Variants in DSCAM observed in about 807,000 individuals in gnomAD.
DSCAM encodes cell adhesion molecule DSCAM.
Under a neutral mutation model 217.7 loss-of-function variants are expected in DSCAM, and 47 were observed. The observed-to-expected ratio is 0.22, with a 90% CI of 0.17 to 0.28. The LOEUF (loss-of-function observed/expected upper bound fraction) is 0.28, where lower values mean the gene tolerates loss of function less well. Among genes scored for constraint, DSCAM ranks in the 10% least tolerant of loss-of-function variants. DSCAM has a pLI of 1.00. For missense variants in DSCAM, 2,080 were observed against 2,618.3 expected, an observed-to-expected ratio of 0.79 and a Z score of 4.49; for synonymous variants, 1,056 against 1,015.3, an observed-to-expected ratio of 1.04 and a Z score of -0.76.
intron 3 of DSCAM, among the ~76,000 whole-genome samples, chr21:40,570,708 A>G (rs1306045796): frequency 2.0e-5 from 3 of 152,226 alleles, no homozygotes; most frequent in Admixed American, 2.0e-4. Context: ...ACTCAGATGG[A>G]ACTATCAGGA....
At chr21:40,156,866 T>C (rs528536271) in intron 16 of DSCAM, among the ~76,000 whole-genome samples, 2 of 152,280 alleles carry the variant, frequency 1.3e-5, no homozygotes, top group African/African-American at 4.8e-5. Context: ...CTGTGGATCT[T>C]TGAACTGGAG....
At chr21:40,444,832 C>T (rs565488765) in intron 3 of DSCAM, among the ~76,000 whole-genome samples, 127 of 152,152 alleles carry the variant, frequency 8.3e-4, no homozygotes, top group Non-Finnish European at 6.6e-4. Flanking sequence ...TGTAATGTAC[C>T]CTGGATGATG....
chr21:40,566,246 G>T (rs961341232), intron 3 of DSCAM, among the ~76,000 whole-genome samples: 8 of 152,016 alleles, frequency 5.3e-5, no homozygotes, highest in Non-Finnish European at 1.2e-4. Context: ...AGTGATGCTG[G>T]GGAGTCTCTC....
intron 3 of DSCAM, among the ~76,000 whole-genome samples, chr21:40,415,388 CAACA>C (rs1046520288): frequency 1.1e-4 from 17 of 152,288 alleles, no homozygotes; most frequent in Admixed American, 2.6e-4. Flanking sequence ...ACTGTTCAAA[CAACA>C]AACAGAGCTA....
At chr21:40,167,361 G>C (rs1368128984) in intron 15 of DSCAM, 73 bp from the exon 16 acceptor site, 2 of 1,391,128 alleles carry the variant, frequency 1.4e-6, no homozygotes, top group African/African-American at 2.9e-5. Context: ...ACAGCCAAAG[G>C]TGGTCCCCGA....
At chr21:40,651,413 C>A (rs1012445915) in intron 3 of DSCAM, among the ~76,000 whole-genome samples, 1 of 152,214 alleles carries the variant, frequency 6.6e-6, no homozygotes. Context: ...TAGGCTCCTG[C>A]AGGCTTTGAC....
chr21:40,488,772 G>T (rs1223992325), intron 3 of DSCAM, among the ~76,000 whole-genome samples: 2 of 152,030 alleles, frequency 1.3e-5, no homozygotes, highest in Non-Finnish European at 2.9e-5. Flanking sequence ...TTAAGCAAAT[G>T]GTTTATTTTT....
At chr21:40,560,766 G>A (rs1222116120) in intron 3 of DSCAM, among the ~76,000 whole-genome samples, 1 of 152,228 alleles carries the variant, frequency 6.6e-6, no homozygotes, top group Non-Finnish European at 1.5e-5. Context: ...TGACAGTGTA[G>A]CTGACTGGGG....
At chr21:40,281,998 T>G (rs1170807962) in intron 10 of DSCAM, among the ~76,000 whole-genome samples, 1 of 152,248 alleles carries the variant, frequency 6.6e-6, no homozygotes, top group Non-Finnish European at 1.5e-5. Flanking sequence ...TAATCATTTT[T>G]TTCTCCTATA....
chr21:40,568,122 G>A (rs557820004), intron 3 of DSCAM, among the ~76,000 whole-genome samples: 1 of 152,034 alleles, frequency 6.6e-6, no homozygotes, highest in African/African-American at 2.4e-5. Flanking sequence ...GAAGCATTTA[G>A]CAATGAATGG....
At chr21:40,544,554 G>A (rs979627068) in intron 3 of DSCAM, among the ~76,000 whole-genome samples, 1 of 152,012 alleles carries the variant, frequency 6.6e-6, no homozygotes, top group African/African-American at 2.4e-5. Context: ...CAAGTGATAC[G>A]GCCACAAGCC....
In DSCAM at chr21:40,369,197, A is replaced by G. The variant is rs766342134; in HGVS notation, c.557T>C (p.Val186Ala). The G allele has an allele frequency of 8.7e-6, 14 of 1,612,656 alleles. No individual in the cohort carries two copies. In the East Asian group the frequency reaches 2.9e-4, roughly 33 times the overall value. Reference protein sequence around the residue: ...TSTGALYIKDVQNEDGLYNYR... With the variant: ...TSTGALYIKDAQNEDGLYNYR... The stretch of plus-strand genomic sequence containing the variant: ...GTTATACAATCCATCTTCATTCTGT[A>G]CATCTTTAATATACAAGGCTCCCGT... The change falls in exon 4 of 33, where the codon GTA (valine) becomes GCA (alanine). Residue 186 changes from valine to alanine, a missense_variant. Val to Ala is a moderately conservative substitution (Grantham distance 64). Transcript: ENST00000400454.
intron 11 of DSCAM, among the ~76,000 whole-genome samples, chr21:40,228,495 A>T (rs1029138881): frequency 6.6e-6 from 1 of 152,182 alleles, no homozygotes. Flanking sequence ...ACTTTGGGTT[A>T]TAATCCAATA....
intron 20 of DSCAM, among the ~76,000 whole-genome samples, chr21:40,122,668 T>A (rs1464474778): frequency 2.0e-5 from 3 of 152,160 alleles, no homozygotes; most frequent in Non-Finnish European, 4.4e-5. Flanking sequence ...AACAGCATAT[T>A]GAAAACCACA....
At chr21:40,778,859 T>C (rs1345198029) in intron 1 of DSCAM, among the ~76,000 whole-genome samples, 2 of 151,744 alleles carry the variant, frequency 1.3e-5, no homozygotes, top group African/African-American at 4.8e-5. Context: ...AACCCATCTC[T>C]ACTAAAAATG....
chr21:40,759,287 T>C (rs2091307046), intron 1 of DSCAM, among the ~76,000 whole-genome samples: 1 of 151,982 alleles, frequency 6.6e-6, no homozygotes, highest in Admixed American at 6.6e-5. Flanking sequence ...CTCCCACCAC[T>C]CTCCATGACC....
intron 21 of DSCAM, among the ~76,000 whole-genome samples, chr21:40,093,056 T>A (rs2089631114): frequency 6.6e-6 from 1 of 152,212 alleles, no homozygotes; most frequent in Non-Finnish European, 1.5e-5. Flanking sequence ...GGGCAACTCC[T>A]GCTGGCCTGG....
At chr21:40,128,060 T>A (rs1205765670) in intron 19 of DSCAM, among the ~76,000 whole-genome samples, 1 of 151,340 alleles carries the variant, frequency 6.6e-6, no homozygotes, top group Non-Finnish European at 1.5e-5. Context: ...CCAGCTTAGG[T>A]CAGGTCAGGG....
chr21:40,308,121 A>C (rs1007927370), intron 9 of DSCAM, among the ~76,000 whole-genome samples: 5 of 152,188 alleles, frequency 3.3e-5, no homozygotes, highest in South Asian at 2.1e-4. Context: ...ACAACAACAA[A>C]AAAGAAAAGT....
Sources: allele counts gnomAD v4.1 joint callset (sites outside exome capture counted in the v4.1 genomes callset), GRCh38; gene constraint gnomAD v4.1.1; transcripts MANE v1.5; gene names NCBI Gene and HGNC (gene_info 2026-07-23, HGNC 2026-07-21).